The following LRRC7 variants were observed in gnomAD, a reference collection of about 807,000 sequenced individuals.
The protein encoded by LRRC7 is leucine rich repeat containing 7.
A neutral mutation model predicts 175.7 loss-of-function variants in LRRC7; 23 were observed. That is an observed-to-expected ratio of 0.13 (90% CI 0.09 to 0.19). LRRC7 has a LOEUF of 0.19. Ranked by LOEUF, LRRC7 falls within the 10% of genes least tolerant of loss-of-function variation. The pLI, the probability that LRRC7 is intolerant of heterozygous loss-of-function variation, is 1.00. For missense variants in LRRC7, 1,354 were observed against 1,904.7 expected, an observed-to-expected ratio of 0.71 and a Z score of 5.38; for synonymous variants, 685 against 680.9, an observed-to-expected ratio of 1.01 and a Z score of -0.09.
At chr1:69,742,198 G>C (rs576658672) in intron 2 of LRRC7, among the ~76,000 whole-genome samples, 3 of 152,072 alleles carry the variant, frequency 2.0e-5, no homozygotes, top group Admixed American at 6.6e-5. Context: ...TTTTGGAGAA[G>C]ATATGAACAA....
intron 8 of LRRC7, among the ~76,000 whole-genome samples, chr1:69,978,541 C>A (rs1653073156): frequency 6.6e-6 from 1 of 152,202 alleles, no homozygotes; most frequent in Non-Finnish European, 1.5e-5. Context: ...TACATGCATA[C>A]ACACACATCC....
At chr1:69,666,041 C>A (rs766087694) in intron 1 of LRRC7, among the ~76,000 whole-genome samples, 5 of 151,846 alleles carry the variant, frequency 3.3e-5, no homozygotes, top group African/African-American at 4.8e-5. Context: ...GAAGGGATGT[C>A]GAATGTTATC....
At chr1:69,779,772 G>A (rs1005539463) in intron 3 of LRRC7, among the ~76,000 whole-genome samples, 1 of 152,172 alleles carries the variant, frequency 6.6e-6, no homozygotes, top group African/African-American at 2.4e-5. Context: ...AAATAAAAGA[G>A]CTCTTCTCTG....
intron 9 of LRRC7, among the ~76,000 whole-genome samples, chr1:69,981,473 AG>A (rs1410803044): frequency 6.6e-6 from 1 of 152,242 alleles, no homozygotes; most frequent in Non-Finnish European, 1.5e-5. Context: ...GACACAAAAC[AG>A]AAAAATATGC....
intron 7 of LRRC7, among the ~76,000 whole-genome samples, chr1:69,901,698 C>T (rs1445764952): frequency 1.3e-5 from 2 of 152,166 alleles, no homozygotes; most frequent in Admixed American, 6.5e-5. Context: ...TCTTTGATCT[C>T]CTTCATATTG....
intron 8 of LRRC7, among the ~76,000 whole-genome samples, chr1:69,948,402 A>C (rs1485248354): frequency 1.3e-5 from 2 of 152,136 alleles, no homozygotes; most frequent in African/African-American, 4.8e-5. Context: ...GTCTAGTGGT[A>C]AACTCCCTCA....
At chr1:69,747,011 A>G (rs755188115) in intron 2 of LRRC7, among the ~76,000 whole-genome samples, 6 of 152,092 alleles carry the variant, frequency 3.9e-5, no homozygotes, top group Non-Finnish European at 7.4e-5. Flanking sequence ...GCCTATTCCC[A>G]TCATCTTCCT....
rs183647392 is a variant in LRRC7 at position 69,706,276 on chromosome 1, C to G, written c.100+27798C>G. Among the ~76,000 whole-genome samples the G allele has an allele frequency of 1.6e-4, 25 of 152,252 alleles. No homozygotes were observed. In the East Asian group the frequency reaches 4.8e-3, roughly 29 times the overall value. On this transcript the variant is annotated intron_variant, in intron 2 of 26. Coordinates refer to ENST00000651989, the MANE Select transcript of LRRC7 (RefSeq NM_001370785.2). ...GTGGTTCTTGTTCAGGTCCAACTAT[C>G]TTGAGCAAAATCACTCACCTGTGCA...
At chr1:69,905,007 C>T (rs1339892576) in intron 7 of LRRC7, among the ~76,000 whole-genome samples, 1 of 152,108 alleles carries the variant, frequency 6.6e-6, no homozygotes, top group Non-Finnish European at 1.5e-5. Flanking sequence ...ACATTTACAT[C>T]ATAGAATATT....
chr1:70,062,628 A>G (rs1020178097), intron 23 of LRRC7, among the ~76,000 whole-genome samples: 16 of 152,094 alleles, frequency 1.1e-4, no homozygotes, highest in African/African-American at 3.6e-4. Flanking sequence ...ACCTGGAGGA[A>G]ATCAAAAATT....
chr1:69,899,714 G>C (rs1185434648), intron 7 of LRRC7, among the ~76,000 whole-genome samples: 1 of 152,140 alleles, frequency 6.6e-6, no homozygotes. Context: ...TCAACAGGTG[G>C]GGCTTTTAAG....
intron 7 of LRRC7, among the ~76,000 whole-genome samples, chr1:69,859,706 G>A (rs1570375440): frequency 1.3e-5 from 2 of 151,904 alleles, no homozygotes; most frequent in South Asian, 4.2e-4. Flanking sequence ...TTCTGTAAAG[G>A]TAATGCTTTT....
intron 1 of LRRC7, among the ~76,000 whole-genome samples, chr1:69,609,511 C>A (rs1189729296): frequency 6.6e-6 from 1 of 151,758 alleles, no homozygotes; most frequent in Non-Finnish European, 1.5e-5. Flanking sequence ...GAAATGAATA[C>A]TGATGACACT....
intron 2 of LRRC7, among the ~76,000 whole-genome samples, chr1:69,722,630 G>T (rs986774052): frequency 3.9e-5 from 6 of 151,964 alleles, no homozygotes; most frequent in Non-Finnish European, 7.4e-5. Flanking sequence ...CAGAAGTTGG[G>T]TGTGATCACT....
intron 8 of LRRC7, among the ~76,000 whole-genome samples, chr1:69,967,351 T>C (rs949149799): frequency 2.6e-5 from 4 of 151,830 alleles, no homozygotes; most frequent in Non-Finnish European, 4.4e-5. Context: ...CACCTAATGC[T>C]CCTCCCCTAC....
chr1:69,862,638 G>T (rs1348536845), intron 7 of LRRC7, among the ~76,000 whole-genome samples: 1 of 152,158 alleles, frequency 6.6e-6, no homozygotes, highest in Admixed American at 6.5e-5. Flanking sequence ...TAAAGATATT[G>T]CCAGTTAAAG....
chr1:69,662,228 G>A (rs1325003913), intron 1 of LRRC7, among the ~76,000 whole-genome samples: 4 of 152,014 alleles, frequency 2.6e-5, no homozygotes, highest in Non-Finnish European at 5.9e-5. Flanking sequence ...TTAGTACTGT[G>A]TAGGGCATAC....
intron 1 of LRRC7, among the ~76,000 whole-genome samples, chr1:69,627,594 T>A (rs1651805840): frequency 6.6e-6 from 1 of 152,098 alleles, no homozygotes; most frequent in East Asian, 1.9e-4. Context: ...TCCCATTTGT[T>A]AATTTTGACT....
At chr1:69,842,259 T>C (rs547879226) in intron 7 of LRRC7, among the ~76,000 whole-genome samples, 2 of 152,190 alleles carry the variant, frequency 1.3e-5, no homozygotes, top group South Asian at 2.1e-4. Context: ...TTGGTAATAA[T>C]GGTGGGTTTT....
Sources: gnomAD v4.1 joint callset for allele counts (sites outside exome capture counted in the v4.1 genomes callset) on GRCh38, gnomAD v4.1.1 for gene constraint, MANE v1.5 for transcripts, NCBI Gene and HGNC (gene_info 2026-07-23, HGNC 2026-07-21) for gene names.